SLC8A1: variants seen among roughly 807,000 people sequenced by gnomAD.
SLC8A1 encodes the protein solute carrier family 8 member A1.
In SLC8A1, 18 loss-of-function variants were observed where a neutral mutation model predicts 68.3. That is an observed-to-expected ratio of 0.26 (90% CI 0.18 to 0.39). The LOEUF (loss-of-function observed/expected upper bound fraction) is 0.39, where lower values mean the gene tolerates loss of function less well. Among genes scored for constraint, SLC8A1 ranks in the 10% least tolerant of loss-of-function variants. The pLI, the probability that SLC8A1 is intolerant of heterozygous loss-of-function variation, is 1.00. For missense variants in SLC8A1, 985 were observed against 1,156.7 expected, an observed-to-expected ratio of 0.85 and a Z score of 2.15; for synonymous variants, 475 against 415.5, an observed-to-expected ratio of 1.14 and a Z score of -1.74.
intron 1 of SLC8A1, among the ~76,000 whole-genome samples, chr2:40,469,598 TA>T (rs1416869321): frequency 4.0e-5 from 6 of 149,548 alleles, no homozygotes; most frequent in Non-Finnish European, 5.9e-5. Context: ...TTTTTATTTT[TA>T]TTTTTTTTGC....
At chr2:40,157,060 A>G (rs1307012158) in intron 6 of SLC8A1, among the ~76,000 whole-genome samples, 2 of 152,222 alleles carry the variant, frequency 1.3e-5, no homozygotes, top group Non-Finnish European at 2.9e-5. Flanking sequence ...AATGGTATGC[A>G]TGATACCATG....
At chr2:40,235,553 C>T (rs1406025868) in intron 2 of SLC8A1, among the ~76,000 whole-genome samples, 1 of 151,932 alleles carries the variant, frequency 6.6e-6, no homozygotes, top group East Asian at 1.9e-4. Context: ...AAAACCAGCT[C>T]CTGGATTCAT....
chr2:40,337,307 C>A, intron 2 of SLC8A1: 1 of 351,534 alleles, frequency 2.8e-6, no homozygotes, highest in Non-Finnish European at 6.4e-6. Flanking sequence ...TATGCATCAT[C>A]ATAAACAGTG....
chr2:40,433,644 G>A (rs574586709), intron 1 of SLC8A1, among the ~76,000 whole-genome samples: 1 of 152,300 alleles, frequency 6.6e-6, no homozygotes, highest in South Asian at 2.1e-4. Flanking sequence ...CCATTTGGAG[G>A]TTGGATAACT....
At chr2:40,296,086 C>T (rs1418370664) in intron 2 of SLC8A1, among the ~76,000 whole-genome samples, 2 of 152,118 alleles carry the variant, frequency 1.3e-5, no homozygotes, top group East Asian at 1.9e-4. Flanking sequence ...TAATAATTTA[C>T]TCAGTTTTGC....
At chr2:40,287,025 T>C (rs2068430624) in intron 2 of SLC8A1, among the ~76,000 whole-genome samples, 1 of 152,178 alleles carries the variant, frequency 6.6e-6, no homozygotes, top group African/African-American at 2.4e-5. Flanking sequence ...ATCCACCCTC[T>C]TTCACAGGAG....
At chr2:40,498,972 G>A (rs986286311) in intron 1 of SLC8A1, among the ~76,000 whole-genome samples, 3 of 151,962 alleles carry the variant, frequency 2.0e-5, no homozygotes, top group Non-Finnish European at 4.4e-5. Context: ...AGAAATAAGA[G>A]CACATTCAAA....
rs184912193 is a variant in SLC8A1 at position 40,270,994 on chromosome 2, G to A, written c.1809-93139C>T. Reference sequence around the variant, plus strand: ...CATCCTGGCCTATGCCCTCTCTCCTGAGGTATACCCTAATCTTCCTCACTG... The same window carrying A: ...CATCCTGGCCTATGCCCTCTCTCCTAAGGTATACCCTAATCTTCCTCACTG... On this transcript the variant is annotated intron_variant, in intron 2 of 7. Coordinates refer to ENST00000406785, the Ensembl canonical transcript of SLC8A1. Among the ~76,000 whole-genome samples the A allele has an allele frequency of 1.6e-3, 241 of 152,208 alleles. 1 individual carries two copies. The highest frequency in any genetic ancestry group is 5.6e-3 in the African/African-American group (234 of 41,518).
intron 2 of SLC8A1, among the ~76,000 whole-genome samples, chr2:40,252,970 T>C (rs2063098194): frequency 1.9e-5 from 2 of 106,710 alleles, no homozygotes; most frequent in Admixed American, 1.0e-4. Flanking sequence ...TATATGTATG[T>C]ACATATATGT....
chr2:40,430,608 T>C (rs918620184), intron 1 of SLC8A1, among the ~76,000 whole-genome samples: 1 of 152,186 alleles, frequency 6.6e-6, no homozygotes, highest in African/African-American at 2.4e-5. Context: ...AAAGGAAAAG[T>C]TCAATTTATA....
intron 2 of SLC8A1, among the ~76,000 whole-genome samples, chr2:40,178,897 C>T (rs1469419634): frequency 6.6e-6 from 1 of 152,110 alleles, no homozygotes; most frequent in African/African-American, 2.4e-5. Flanking sequence ...TCAAAAAATC[C>T]CATCAAGATA....
chr2:40,249,727 G>T (rs369148114), intron 2 of SLC8A1, among the ~76,000 whole-genome samples: 54 of 152,228 alleles, frequency 3.5e-4, no homozygotes, highest in African/African-American at 1.3e-3. Flanking sequence ...AGTAAAAATT[G>T]CCAACGAATC....
intron 2 of SLC8A1, among the ~76,000 whole-genome samples, chr2:40,379,106 T>A (rs1680890687): frequency 1.3e-5 from 2 of 152,124 alleles, no homozygotes; most frequent in Non-Finnish European, 2.9e-5. Context: ...TTTTAATAAT[T>A]TTTTAGTGAA....
chr2:40,325,145 G>A (rs1196661275), intron 2 of SLC8A1, among the ~76,000 whole-genome samples: 1 of 152,004 alleles, frequency 6.6e-6, no homozygotes, highest in East Asian at 1.9e-4. Context: ...TTCCTTATAG[G>A]GAAAACAACT....
chr2:40,343,215 C>G (rs1487090946), intron 2 of SLC8A1, among the ~76,000 whole-genome samples: 1 of 152,062 alleles, frequency 6.6e-6, no homozygotes, highest in Non-Finnish European at 1.5e-5. Context: ...GTGAATACCT[C>G]TTTTAAACTC....
chr2:40,438,778 T>C (rs192719542), intron 1 of SLC8A1, among the ~76,000 whole-genome samples: 8 of 152,252 alleles, frequency 5.3e-5, no homozygotes, highest in Admixed American at 3.3e-4. Flanking sequence ...TATAATCAGA[T>C]ACAGTTGAGG....
chr2:40,314,650 A>G (rs746612504), intron 2 of SLC8A1, among the ~76,000 whole-genome samples: 1 of 151,974 alleles, frequency 6.6e-6, no homozygotes, highest in Non-Finnish European at 1.5e-5. Context: ...ATATCTGTCT[A>G]TTTATTTAGG....
At chr2:40,200,186 ATATATTT>A (rs201810102) in intron 2 of SLC8A1, among the ~76,000 whole-genome samples, 7,433 of 22,340 alleles carry the variant, frequency 0.33, 1,816 homozygotes, top group Middle Eastern at 0.52. Flanking sequence ...ATATATATAT[ATATATTT>A]ATATATATAT....
chr2:40,435,942 ATTTTTTT>A (rs59783278), intron 1 of SLC8A1, among the ~76,000 whole-genome samples: 2 of 125,430 alleles, frequency 1.6e-5, no homozygotes, highest in Admixed American at 1.6e-4. Flanking sequence ...ATGCTCGGCT[ATTTTTTT>A]TTTTTTTTTT....
Sources: gnomAD v4.1 joint callset for allele counts (sites outside exome capture counted in the v4.1 genomes callset) on GRCh38, gnomAD v4.1.1 for gene constraint, MANE v1.5 for transcripts, NCBI Gene and HGNC (gene_info 2026-07-23, HGNC 2026-07-21) for gene names.